Variants in SPATA16 observed in about 807,000 individuals in gnomAD.
The protein encoded by SPATA16 is spermatogenesis associated 16, also known as spermatogenesis-associated protein 16.
In SPATA16, 36 loss-of-function variants were observed where a neutral mutation model predicts 63.3. The ratio of observed to expected loss-of-function variants is 0.57; its 90% CI spans 0.44 to 0.75. The LOEUF is 0.75. Among genes scored for constraint, SPATA16 ranks in the 30% least tolerant of loss-of-function variants. The probability of loss-of-function intolerance (pLI) is 0.00; values close to 1 mark genes in which losing one functional copy is unlikely to be tolerated. For missense variants in SPATA16, 646 were observed against 679.3 expected, an observed-to-expected ratio of 0.95 and a Z score of 0.54; for synonymous variants, 203 against 216.7, an observed-to-expected ratio of 0.94 and a Z score of 0.56.
chr3:173,102,350 G>A (rs1212718193), intron 2 of SPATA16, among the ~76,000 whole-genome samples: 5 of 152,166 alleles, frequency 3.3e-5, no homozygotes, highest in Admixed American at 6.5e-5. Context: ...AATACCCAAG[G>A]GTGGGTAATT....
chr3:172,985,823 G>C (rs1396587392), intron 4 of SPATA16, among the ~76,000 whole-genome samples: 1 of 152,072 alleles, frequency 6.6e-6, no homozygotes, highest in African/African-American at 2.4e-5. Flanking sequence ...AAGAAAGGGG[G>C]GAAACGCTAG....
At chr3:173,010,347 T>C (rs1288418347) in intron 4 of SPATA16, among the ~76,000 whole-genome samples, 4 of 152,120 alleles carry the variant, frequency 2.6e-5, no homozygotes, top group Non-Finnish European at 1.5e-5. Flanking sequence ...TGTGAGCCCC[T>C]GCCCTACGTT....
At position 173,117,633 on chromosome 3, in the gene SPATA16, G is replaced by A. The variant is rs2108337295; in HGVS notation, c.99C>T (p.Thr33=). The A allele has an allele frequency of 6.2e-7, 1 of 1,614,072 alleles. No homozygotes were observed. Among genetic ancestry groups the A allele is most frequent in the East Asian group, 2.2e-5 (1 of 44,880 alleles). Residue 33 remains threonine (T), a synonymous_variant, in exon 2 of 11, where the codon ACC becomes ACT. Coordinates refer to ENST00000351008, the MANE Select transcript of SPATA16 (RefSeq NM_031955.6). The stretch of plus-strand genomic sequence containing the variant: ...CCAGGATGTTAGGTGGGTGCGCTAA[G>A]GTGGACATTTTCTTGCTTGTGTTTA... The part of the protein sequence containing the change: ...PKINTSKKMS[T]LAHPPNILEM...
chr3:172,975,696 T>G (rs1734140771), intron 5 of SPATA16, among the ~76,000 whole-genome samples: 1 of 152,112 alleles, frequency 6.6e-6, no homozygotes, highest in Non-Finnish European at 1.5e-5. Flanking sequence ...TTTGTCTACC[T>G]GGAGATCAAC....
intron 4 of SPATA16, among the ~76,000 whole-genome samples, chr3:173,008,857 TA>T (rs1189533121): frequency 2.0e-5 from 3 of 152,058 alleles, no homozygotes; most frequent in Non-Finnish European, 4.4e-5. Context: ...TCTCTAAAAT[TA>T]AAAAAATTGC....
intron 2 of SPATA16, 100 bp from the exon 3 acceptor site, chr3:173,049,194 C>T (rs1577148147): frequency 2.3e-6 from 3 of 1,301,038 alleles, no homozygotes; most frequent in South Asian, 1.4e-5. Context: ...ATATGTTTTG[C>T]TTATGCTTGC....
intron 2 of SPATA16, among the ~76,000 whole-genome samples, chr3:173,081,411 A>G (rs1430997775): frequency 6.6e-6 from 1 of 152,216 alleles, no homozygotes; most frequent in Non-Finnish European, 1.5e-5. Flanking sequence ...CCCAGACACA[A>G]GAACCATTTG....
At chr3:172,934,032 A>T (rs1392510194) in intron 6 of SPATA16, among the ~76,000 whole-genome samples, 1 of 152,172 alleles carries the variant, frequency 6.6e-6, no homozygotes, top group African/African-American at 2.4e-5. Flanking sequence ...TTACAACATT[A>T]TTACAATATT....
At chr3:173,088,594 G>A (rs1351924194) in intron 2 of SPATA16, among the ~76,000 whole-genome samples, 1 of 151,444 alleles carries the variant, frequency 6.6e-6, no homozygotes, top group African/African-American at 2.4e-5. Flanking sequence ...TAATTTTTTT[G>A]GTTGTTTACC....
At chr3:172,949,571 TTAAC>T (rs1389512045) in intron 6 of SPATA16, among the ~76,000 whole-genome samples, 3 of 152,186 alleles carry the variant, frequency 2.0e-5, no homozygotes, top group African/African-American at 7.2e-5. Flanking sequence ...CACCTAATGA[TTAAC>T]TATATTGTTG....
At chr3:172,942,157 A>G (rs887905958) in intron 6 of SPATA16, among the ~76,000 whole-genome samples, 3 of 152,180 alleles carry the variant, frequency 2.0e-5, no homozygotes, top group African/African-American at 7.2e-5. Context: ...ATTTAAGCCT[A>G]TGGTGAACAG....
At chr3:173,128,659 A>G (rs1264473237) in intron 1 of SPATA16, among the ~76,000 whole-genome samples, 1 of 152,260 alleles carries the variant, frequency 6.6e-6, no homozygotes, top group Non-Finnish European at 1.5e-5. Context: ...GCTTGAATTG[A>G]AAAGTATTAG....
chr3:172,962,253 C>CAAAA (rs71162320), intron 5 of SPATA16, among the ~76,000 whole-genome samples: 1,089 of 47,606 alleles, frequency 0.023, 156 homozygotes, highest in African/African-American at 0.081. Context: ...GACTCTGTCT[C>CAAAA]AAAAAAAAAA....
intron 3 of SPATA16, among the ~76,000 whole-genome samples, chr3:173,028,091 T>C (rs556268033): frequency 7.2e-6 from 1 of 138,806 alleles, no homozygotes; most frequent in Admixed American, 7.7e-5. Flanking sequence ...CTCTCTCTCT[T>C]TCTTTCTTTC....
chr3:173,062,090 G>A (rs567231129), intron 2 of SPATA16, among the ~76,000 whole-genome samples: 10 of 147,170 alleles, frequency 6.8e-5, no homozygotes, highest in East Asian at 2.0e-4. Flanking sequence ...TAAAATAGAG[G>A]TGTGGCCACC....
chr3:173,061,249 G>A (rs1411890862), intron 2 of SPATA16, among the ~76,000 whole-genome samples: 2 of 152,178 alleles, frequency 1.3e-5, no homozygotes, highest in African/African-American at 4.8e-5. Flanking sequence ...CTAACTAGGG[G>A]ATAAAATAGC....
chr3:173,086,708 C>A (rs547955464), intron 2 of SPATA16, among the ~76,000 whole-genome samples: 131 of 152,240 alleles, frequency 8.6e-4, no homozygotes, highest in Admixed American at 3.7e-3. Context: ...ACTGCTTTAG[C>A]TGTGTCCCAG....
At chr3:172,927,132 A>T (rs184708310) in intron 6 of SPATA16, among the ~76,000 whole-genome samples, 25 of 152,290 alleles carry the variant, frequency 1.6e-4, no homozygotes, top group Non-Finnish European at 3.2e-4. Context: ...ATTTTCTGAC[A>T]AGCCCAATAT....
chr3:173,083,723 A>G (rs1371840127), intron 2 of SPATA16, among the ~76,000 whole-genome samples: 1 of 152,114 alleles, frequency 6.6e-6, no homozygotes, highest in East Asian at 1.9e-4. Context: ...CCAACTTATA[A>G]GTGAAAACAT....
Sources: allele counts gnomAD v4.1 joint callset (sites outside exome capture counted in the v4.1 genomes callset), GRCh38; gene constraint gnomAD v4.1.1; transcripts MANE v1.5; gene names NCBI Gene and HGNC (gene_info 2026-07-23, HGNC 2026-07-21).